NDST3: variants seen among roughly 807,000 people sequenced by gnomAD.
The protein encoded by NDST3 is bifunctional heparan sulfate N-deacetylase/N-sulfotransferase 3.
Under a neutral mutation model 96.1 loss-of-function variants are expected in NDST3, and 58 were observed. That is an observed-to-expected ratio of 0.60 (90% CI 0.49 to 0.75). NDST3 has a LOEUF of 0.75. Ranked by LOEUF, NDST3 falls within the 30% of genes least tolerant of loss-of-function variation. The pLI is 0.00. For synonymous variants in NDST3, 333 were observed against 359.7 expected, an observed-to-expected ratio of 0.93 and a Z score of 0.84; for missense variants, 788 against 1,034.2, an observed-to-expected ratio of 0.76 and a Z score of 3.27.
chr4:118,052,671 T>C (rs1330670399), intron 1 of NDST3, among the ~76,000 whole-genome samples: 1 of 151,968 alleles, frequency 6.6e-6, no homozygotes, highest in East Asian at 1.9e-4. Flanking sequence ...GAAAAAATAT[T>C]GTTCAGTTGA....
intron 6 of NDST3, among the ~76,000 whole-genome samples, chr4:118,159,461 A>T (rs1342117264): frequency 6.6e-6 from 1 of 151,744 alleles, no homozygotes; most frequent in South Asian, 2.1e-4. Flanking sequence ...TCCTATACAA[A>T]CCCTGTTTTT....
chr4:118,131,965 C>T (rs185520962), intron 4 of NDST3, among the ~76,000 whole-genome samples: 1 of 152,074 alleles, frequency 6.6e-6, no homozygotes, highest in African/African-American at 2.4e-5. Flanking sequence ...GATGCAAACA[C>T]CCCTATGGCC....
In NDST3 at chr4:118,143,624, TAA is replaced by T; in HGVS notation, c.1481_1482del (p.Lys494ArgfsTer4). On this transcript the variant is annotated frameshift_variant, in exon 6 of 14. Coordinates refer to ENST00000296499, the MANE Select transcript of NDST3 (RefSeq NM_004784.3). LOFTEE classifies it high-confidence loss of function. ...IFYKEYPGGP[K>X]ELDKSIQGGE... ...TCTACAAAGAATATCCAGGGGGTCC[TAA>T]AGAGCTGGATAAGAGTATCCAAGGA... is the stretch of plus-strand genomic sequence containing the variant. The T allele has an allele frequency of 6.2e-7, 1 of 1,610,876 alleles. No individual in the cohort carries two copies. The highest frequency in any genetic ancestry group is 8.5e-7 in the Non-Finnish European group (1 of 1,178,814).
chr4:118,070,644 A>G (rs1283785393), intron 2 of NDST3, among the ~76,000 whole-genome samples: 1 of 140,790 alleles, frequency 7.1e-6, no homozygotes, highest in African/African-American at 2.6e-5. Flanking sequence ...GACCTCAACC[A>G]TTCTTTTTTT....
chr4:118,054,361 GATAA>G lies in NDST3; in HGVS notation c.455_458del (p.Lys152ThrfsTer3). ...GGATTCCTGGAATCGAAGCCTTCTA[GATAA>G]ATACTGTGTAGAATATGGTGTGGGT... On this transcript the variant is annotated frameshift_variant, in exon 2 of 14. Coordinates refer to ENST00000296499, the MANE Select transcript of NDST3 (RefSeq NM_004784.3). LOFTEE classifies it high-confidence loss of function. The G allele has an allele frequency of 6.2e-7, 1 of 1,612,768 alleles. No homozygotes were observed. Among genetic ancestry groups the G allele is most frequent in the Non-Finnish European group, 8.5e-7 (1 of 1,179,264 alleles).
chr4:118,251,130 A>ACT, intron 12 of NDST3, among the ~76,000 whole-genome samples: 1 of 126,100 alleles, frequency 7.9e-6, no homozygotes, highest in East Asian at 2.3e-4. Flanking sequence ...TTTTTATTTT[A>ACT]TTTTTTTTTT....
intron 2 of NDST3, 145 bp from the exon 3 acceptor site, chr4:118,104,873 A>G: frequency 1.7e-6 from 1 of 586,190 alleles, no homozygotes; most frequent in Non-Finnish European, 3.0e-6. Flanking sequence ...CTAGTTTTAA[A>G]GTGATAAAGA....
At chr4:118,040,658 T>C (rs1724391458) in intron 1 of NDST3, among the ~76,000 whole-genome samples, 1 of 151,774 alleles carries the variant, frequency 6.6e-6, no homozygotes, top group African/African-American at 2.4e-5. Flanking sequence ...TCATTGTATG[T>C]GCCAAACACT....
At chr4:118,234,652 T>C (rs1363917025) in intron 9 of NDST3, among the ~76,000 whole-genome samples, 1 of 151,920 alleles carries the variant, frequency 6.6e-6, no homozygotes, top group Non-Finnish European at 1.5e-5. Context: ...GGTAAAAAAT[T>C]ATTGCAACAG....
intron 4 of NDST3, among the ~76,000 whole-genome samples, chr4:118,126,521 T>TATATATATATACACACAC (rs760487015): frequency 4.4e-5 from 5 of 112,806 alleles, no homozygotes; most frequent in African/African-American, 2.4e-4. Context: ...TGTGTATATA[T>TATATATATATACACACAC]ATATATATAT....
At chr4:118,203,471 C>G (rs1422498210) in intron 6 of NDST3, among the ~76,000 whole-genome samples, 1 of 152,124 alleles carries the variant, frequency 6.6e-6, no homozygotes, top group Non-Finnish European at 1.5e-5. Context: ...TTCTTAATTA[C>G]TGATTCAATT....
chr4:118,059,361 A>G (rs974970120), intron 2 of NDST3, among the ~76,000 whole-genome samples: 20 of 152,152 alleles, frequency 1.3e-4, no homozygotes, highest in African/African-American at 4.6e-4. Flanking sequence ...TACATTTTTA[A>G]AGTGGCCCCA....
chr4:118,065,220 A>G (rs1424732565), intron 2 of NDST3, among the ~76,000 whole-genome samples: 1 of 152,106 alleles, frequency 6.6e-6, no homozygotes, highest in Non-Finnish European at 1.5e-5. Context: ...CAATTCTTAC[A>G]ACGACTCAAC....
At chr4:118,236,390 T>C (rs1490577579) in intron 9 of NDST3, among the ~76,000 whole-genome samples, 1 of 152,208 alleles carries the variant, frequency 6.6e-6, no homozygotes, top group African/African-American at 2.4e-5. Context: ...CATGAGGATA[T>C]AGAACATGAC....
At chr4:118,174,045 C>T (rs1736121812) in intron 6 of NDST3, among the ~76,000 whole-genome samples, 1 of 152,218 alleles carries the variant, frequency 6.6e-6, no homozygotes. Context: ...GAAGCATCAA[C>T]TGAAGATTTC....
chr4:118,253,553 A>C lies in NDST3; in HGVS notation c.2454A>C (p.Lys818Asn). Residue 818 changes from lysine (K) to asparagine (N), a missense_variant, in exon 13 of 14, where the codon AAA becomes AAC. Lys to Asn is a moderately conservative substitution (Grantham distance 94). Coordinates refer to ENST00000296499, the MANE Select transcript of NDST3 (RefSeq NM_004784.3). ...AGTTACTGGAAGAAGGTAAAACAAAATGCCTTGGAAAGAGCAAAGGAAGAA... is the reference window on the plus strand; with the variant it reads ...AGTTACTGGAAGAAGGTAAAACAAACTGCCTTGGAAAGAGCAAAGGAAGAA... The part of the protein sequence containing the change: ...WCQLLEEGKT[K>N]CLGKSKGRKY... 1 of 1,613,190 alleles carries C rather than the reference A, an allele frequency of 6.2e-7. No individual in the cohort carries two copies. Among genetic ancestry groups the C allele is most frequent in the Non-Finnish European group, 8.5e-7 (1 of 1,179,494 alleles).
intron 6 of NDST3, among the ~76,000 whole-genome samples, chr4:118,215,722 G>C (rs1739154455): frequency 6.6e-6 from 1 of 152,050 alleles, no homozygotes; most frequent in East Asian, 1.9e-4. Context: ...AGCACTGGGG[G>C]ATATATTAGT....
At chr4:118,144,005 T>A (rs1437686455) in intron 6 of NDST3, among the ~76,000 whole-genome samples, 1 of 151,776 alleles carries the variant, frequency 6.6e-6, no homozygotes, top group African/African-American at 2.4e-5. Flanking sequence ...GGGGAACCAT[T>A]TTTTTTTCCA....
intron 6 of NDST3, among the ~76,000 whole-genome samples, chr4:118,152,839 A>G (rs1734487183): frequency 6.6e-6 from 1 of 152,228 alleles, no homozygotes; most frequent in Admixed American, 6.5e-5. Context: ...ATTCAGCTCC[A>G]GTTCTAACTG....
Sources: gnomAD v4.1 joint callset for allele counts (sites outside exome capture counted in the v4.1 genomes callset) on GRCh38, gnomAD v4.1.1 for gene constraint, MANE v1.5 for transcripts, NCBI Gene and HGNC (gene_info 2026-07-23, HGNC 2026-07-21) for gene names.